PRMT9: variants seen among roughly 807,000 people sequenced by gnomAD.
The protein encoded by PRMT9 is protein arginine methyltransferase 9.
A neutral mutation model predicts 83.2 loss-of-function variants in PRMT9; 59 were observed. That is an observed-to-expected ratio of 0.71 (90% confidence interval 0.57 to 0.88). The LOEUF (loss-of-function observed/expected upper bound fraction) is 0.88, where lower values mean the gene tolerates loss of function less well. Among genes scored for constraint, PRMT9 ranks in the 40% least tolerant of loss-of-function variants. The pLI, the probability that PRMT9 is intolerant of heterozygous loss-of-function variation, is 0.00. For synonymous variants in PRMT9, 333 were observed against 353.2 expected (o/e 0.94, Z 0.64); for missense variants, 947 against 1,021.9 (o/e 0.93, Z 1.00).
At chr4:147,682,647 G>A (rs1345048923) in intron 1 of PRMT9, among the ~76,000 whole-genome samples, 2 of 152,228 alleles carry the variant, frequency 1.3e-5, no homozygotes, top group African/African-American at 4.8e-5. Context: ...ATTTTTAAGA[G>A]AGGCTGCGTC....
chr4:147,658,347 AAG>A (rs200895341), intron 7 of PRMT9, among the ~76,000 whole-genome samples: 22 of 151,796 alleles, frequency 1.4e-4, no homozygotes, highest in African/African-American at 5.3e-4. Context: ...GCATGTGTTT[AAG>A]AGAGAGAGTG....
intron 4 of PRMT9, among the ~76,000 whole-genome samples, chr4:147,671,601 C>A (rs1177688867): frequency 6.6e-6 from 1 of 152,186 alleles, no homozygotes; most frequent in African/African-American, 2.4e-5. Context: ...CTAAACCCAA[C>A]TTCTTATATA....
chr4:147,639,010 T>A lies in PRMT9; in HGVS notation c.2272A>T (p.Arg758Ter). Reference sequence around the variant, plus strand: ...AAATACGGAGTCATTAAATCTAGTCTTAAGAGTTCCACTGGCTTGCTTAAA... The same window carrying A: ...AAATACGGAGTCATTAAATCTAGTCATAAGAGTTCCACTGGCTTGCTTAAA... Reference protein sequence around the residue: ...IPLSKPVELLRLDLMTPYLNT... With the variant: ...IPLSKPVELL The change falls in exon 11 of 12, where the codon AGA (arginine) becomes TGA (stop). Residue 758 changes from arginine to a stop codon, truncating the protein, a stop_gained. Coordinates refer to ENST00000322396, the MANE Select transcript of PRMT9 (RefSeq NM_138364.4). LOFTEE classifies it high-confidence loss of function. 1.2e-6 allele frequency: 2 copies of A among 1,612,546 alleles called. No individual in the cohort carries two copies. Among genetic ancestry groups the A allele is most frequent in the Non-Finnish European group, 8.5e-7 (1 of 1,178,692 alleles).
At chr4:147,646,677 G>A (rs1472024400) in intron 9 of PRMT9, among the ~76,000 whole-genome samples, 1 of 149,524 alleles carries the variant, frequency 6.7e-6, no homozygotes, top group Non-Finnish European at 1.5e-5. Context: ...GGGGAGGGGG[G>A]TGCAGGGAGG....
At chr4:147,664,102 C>A (rs975226138) in intron 6 of PRMT9, among the ~76,000 whole-genome samples, 4 of 152,030 alleles carry the variant, frequency 2.6e-5, no homozygotes, top group Non-Finnish European at 2.9e-5. Context: ...TCCCTTGAGT[C>A]CAGGAGTTCA....
At chr4:147,663,550 G>A (rs1350371305) in intron 6 of PRMT9, among the ~76,000 whole-genome samples, 2 of 152,184 alleles carry the variant, frequency 1.3e-5, no homozygotes, top group Non-Finnish European at 2.9e-5. Context: ...ATTTTTTATA[G>A]AGACAGGGTT....
Position 147,638,639 on chromosome 4 carries a change from G to T in PRMT9, c.2431C>A (p.Gln811Lys). Residue 811 changes from glutamine to lysine, a missense_variant, in exon 12 of 12, where the codon CAA becomes AAA. Gln to Lys is a moderately conservative substitution (Grantham distance 53). Transcript: ENST00000322396. ...GGATTATCTAAAACAACTGCAGCTT[G>T]TTTCCAGTGGGAGGCTTCACTTGAA... The part of the protein sequence containing the change: ...DTSSEASHWK[Q>K]AAVVLDNPIQ... The T allele has an allele frequency of 6.2e-7, 1 of 1,613,732 alleles. No homozygotes were observed. Among genetic ancestry groups the T allele is most frequent in the South Asian group, 1.1e-5 (1 of 91,070 alleles).
At position 147,679,545 on chromosome 4, in the gene PRMT9, C is replaced by T. The variant is rs555938119; in HGVS notation, c.338+778G>A. On this transcript the variant is annotated intron_variant, in intron 2 of 11. Coordinates refer to ENST00000322396, the MANE Select transcript of PRMT9 (RefSeq NM_138364.4). ...GGTGGATCGCTTGAGGTCAGGAGTTCGAGACCAGCCTGGCCAACATGGTGA... is the reference window on the plus strand; with the variant it reads ...GGTGGATCGCTTGAGGTCAGGAGTTTGAGACCAGCCTGGCCAACATGGTGA... 3.1e-4 allele frequency among the ~76,000 whole-genome samples: 47 copies of T among 151,998 alleles called. No individual in the cohort carries two copies. In the South Asian group the frequency reaches 4.8e-3, roughly 16 times the overall value.
chr4:147,673,784 A>G lies in PRMT9; in HGVS notation c.429T>C (p.Arg143=). ...DFSDAKENFY[R]VANWLVERWH... ...AGCGTTCCACCAACCAGTTTGCAAC[A>G]CGATAAAAATTCTCCTTTGCATCAC... The change falls in exon 3 of 12, where the codon CGT becomes CGC. Residue 143 remains arginine (R), a synonymous_variant. Transcript: ENST00000322396. The G allele has an allele frequency of 6.2e-7, 1 of 1,614,120 alleles. No homozygotes were observed. The highest frequency in any genetic ancestry group is 8.5e-7 in the Non-Finnish European group (1 of 1,179,978).
intron 6 of PRMT9, 44 bp downstream of exon 6, chr4:147,668,495 G>T: frequency 8.9e-7 from 1 of 1,127,320 alleles, no homozygotes; most frequent in Non-Finnish European, 1.3e-6. Context: ...ACCCAATCTT[G>T]GGAGGTGCTT....
rs1489043901 is a variant in PRMT9 at position 147,640,118 on chromosome 4, G to A, written c.2200-1036C>T. Reference sequence around the variant, plus strand: ...TATAGGGTCTCACTCTGTTCCCCAGGCTGGAGTGCAGTAGTACAATCACAG... The same window carrying A: ...TATAGGGTCTCACTCTGTTCCCCAGACTGGAGTGCAGTAGTACAATCACAG... On this transcript the variant is annotated intron_variant, in intron 10 of 11. Coordinates refer to ENST00000322396, the MANE Select transcript of PRMT9 (RefSeq NM_138364.4). Among the ~76,000 whole-genome samples, 4 of 132,796 alleles carry A rather than the reference G, an allele frequency of 3.0e-5. No individual in the cohort carries two copies. The East Asian group carries it at 9.5e-4, about 32-fold the overall frequency. 87.1% of individuals were successfully genotyped at this position (132,796 alleles called of 152,430 possible).
At position 147,668,519 on chromosome 4, in the gene PRMT9, A is replaced by G. The variant is rs1735498393; in HGVS notation, c.953+20T>C. The G allele has an allele frequency of 7.1e-7, 1 of 1,400,074 alleles. No homozygotes were observed. Among genetic ancestry groups the G allele is most frequent in the Non-Finnish European group, 1.0e-6 (1 of 989,338 alleles). The allele number at this position is 1,400,074 out of a possible 1,614,324, so 86.7% of individuals were successfully genotyped here. A position where few individuals can be genotyped will look rare whatever the true frequency, so the allele number is the denominator to read the frequency against. On this transcript the variant is annotated intron_variant, in intron 6 of 11. Coordinates refer to ENST00000322396, the MANE Select transcript of PRMT9 (RefSeq NM_138364.4). ...TGGGAGGTGCTTTATAGCAGTGTGA[A>G]AATGGACTAATACACTTACCTATGA...
At chr4:147,680,870 T>G (rs934298155) in intron 1 of PRMT9, among the ~76,000 whole-genome samples, 42 of 152,246 alleles carry the variant, frequency 2.8e-4, no homozygotes, top group Non-Finnish European at 2.4e-4. Flanking sequence ...TTTACATCTC[T>G]AGTCAAGACC....
intron 9 of PRMT9, among the ~76,000 whole-genome samples, chr4:147,649,189 G>GGA (rs1236329497): frequency 2.0e-5 from 3 of 150,716 alleles, no homozygotes; most frequent in South Asian, 2.1e-4. Flanking sequence ...GAGAGAAGAG[G>GGA]GAGAGAGAGA....
chr4:147,670,828 A>G (rs749278725), intron 4 of PRMT9, 85 bp from the exon 5 acceptor site: 27 of 867,462 alleles, frequency 3.1e-5, no homozygotes, highest in Non-Finnish European at 4.6e-5. Context: ...AGAAAGGAAG[A>G]GTATATTATA....
In PRMT9 at chr4:147,654,394, A is replaced by T; in HGVS notation, c.1503T>A (p.Ser501Arg). The T allele has an allele frequency of 6.2e-7, 1 of 1,614,234 alleles. No individual in the cohort carries two copies. ...LSLGNEAELCSALANLQTSKP... is the reference protein window; with the variant it reads ...LSLGNEAELCRALANLQTSKP... ...TACTGGTCTGAAGGTTAGCGAGGGC[A>T]CTACAAAGTTCAGCCTCATTTCCTA... Residue 501 changes from serine (S) to arginine (R), a missense_variant, in exon 9 of 12, where the codon AGT (serine) becomes AGA (arginine). By Grantham distance (110) the Ser-to-Arg change is moderately radical (BLOSUM62 -1). Coordinates refer to ENST00000322396, the MANE Select transcript of PRMT9 (RefSeq NM_138364.4).
chr4:147,665,464 T>C (rs925636200), intron 6 of PRMT9, among the ~76,000 whole-genome samples: 42 of 152,320 alleles, frequency 2.8e-4, no homozygotes, highest in Middle Eastern at 3.4e-3. Context: ...GGTGATTAAA[T>C]TGTCCCAGAT....
rs950952341 is a variant in PRMT9 at position 147,684,019 on chromosome 4, A to G, written c.-32T>C. On this transcript the variant is annotated 5_prime_UTR_variant, in exon 1 of 12. Transcript: ENST00000322396. ...CACCACTTGTATGGCCAAAGGGAAG[A>G]TATTTTGTAAACGTAATTAGAAAAC... is the stretch of plus-strand genomic sequence containing the variant. The G allele has an allele frequency of 9.3e-6, 15 of 1,604,748 alleles. No individual in the cohort carries two copies. The highest frequency in any genetic ancestry group is 2.7e-5 in the African/African-American group (2 of 74,778).
chr4:147,670,696 T>C lies in PRMT9; in HGVS notation c.791A>G (p.Glu264Gly), dbSNP rs1735669187. ...ATGAATCAAACTCTCCACAATTCCT[T>C]CTCCAAATAAACCTGCATCGACAGT... ...TETVDAGLFGEGIVESLIHAW... is the reference protein window; with the variant it reads ...TETVDAGLFGGGIVESLIHAW... The change falls in exon 5 of 12, where the codon GAA becomes GGA. Residue 264 changes from glutamate (E) to glycine (G), a missense_variant. Glu to Gly is a moderately conservative substitution (Grantham distance 98, BLOSUM62 -2). Transcript: ENST00000322396. 6.2e-7 allele frequency: 1 copy of C among 1,613,486 alleles called. No homozygotes were observed. The highest frequency in any genetic ancestry group is 1.3e-5 in the African/African-American group (1 of 74,882).
Sources: allele counts gnomAD v4.1 joint callset (sites outside exome capture counted in the v4.1 genomes callset), GRCh38; gene constraint gnomAD v4.1.1; transcripts MANE v1.5; gene names NCBI Gene and HGNC (gene_info 2026-07-23, HGNC 2026-07-21).